PDE11A: variants seen among roughly 807,000 people sequenced by gnomAD.
PDE11A encodes phosphodiesterase 11A, also known as dual 3',5'-cyclic-AMP and -GMP phosphodiesterase 11A.
PDE11A carries 100 observed loss-of-function variants against 100.5 expected under a neutral mutation model. The observed-to-expected ratio is 1.00, with a 90% CI of 0.85 to 1.18. The LOEUF (loss-of-function observed/expected upper bound fraction) is 1.18. Ranked by LOEUF, PDE11A falls within the 50% of genes most tolerant of loss-of-function variation. PDE11A has a pLI of 0.00. For missense variants in PDE11A, 1,141 were observed against 1,152.6 expected (o/e 0.99, Z 0.15); for synonymous variants, 381 against 420.8 (o/e 0.91, Z 1.16).
chr2:177,747,055 C>G (rs1364884580), intron 10 of PDE11A, among the ~76,000 whole-genome samples: 1 of 152,112 alleles, frequency 6.6e-6, no homozygotes, highest in Non-Finnish European at 1.5e-5. Flanking sequence ...AGCAAGCATT[C>G]TGTAATGTCA....
At chr2:177,714,334 T>G (rs2105429633) in intron 12 of PDE11A, among the ~76,000 whole-genome samples, 1 of 152,358 alleles carries the variant, frequency 6.6e-6, no homozygotes, top group Admixed American at 6.5e-5. Flanking sequence ...TTATTAGCAC[T>G]TGGTTATTCA....
chr2:178,054,930 G>C (rs554110263), intron 1 of PDE11A, among the ~76,000 whole-genome samples: 1 of 152,326 alleles, frequency 6.6e-6, no homozygotes, highest in African/African-American at 2.4e-5. Flanking sequence ...CATTGTGGAA[G>C]ACAGTGTGGC....
intron 1 of PDE11A, among the ~76,000 whole-genome samples, chr2:178,040,530 T>C (rs1415152403): frequency 1.1e-4 from 17 of 152,232 alleles, no homozygotes; most frequent in Admixed American, 7.2e-4. Flanking sequence ...CTTTCCGATA[T>C]GTTCAGCACA....
intron 2 of PDE11A, among the ~76,000 whole-genome samples, chr2:177,930,199 A>T (rs2085187042): frequency 6.6e-6 from 1 of 152,198 alleles, no homozygotes; most frequent in African/African-American, 2.4e-5. Context: ...TCTGAAGCTA[A>T]TTTTTCTGAT....
intron 2 of PDE11A, chr2:177,997,863 T>C (rs781020973): frequency 4.3e-6 from 6 of 1,380,980 alleles, no homozygotes; most frequent in Non-Finnish European, 5.2e-6. Context: ...AATTTGTTTC[T>C]AGTTTTTCCA....
intron 1 of PDE11A, among the ~76,000 whole-genome samples, chr2:178,030,799 G>A (rs1298711932): frequency 6.6e-6 from 1 of 152,126 alleles, no homozygotes; most frequent in Non-Finnish European, 1.5e-5. Flanking sequence ...GATCACCTGA[G>A]CCCAGGAGGT....
intron 15 of PDE11A, among the ~76,000 whole-genome samples, chr2:177,688,661 G>A (rs2080994045): frequency 6.6e-6 from 1 of 152,174 alleles, no homozygotes; most frequent in South Asian, 2.1e-4. Context: ...GCAACTTACT[G>A]GAAAATCTCA....
intron 10 of PDE11A, among the ~76,000 whole-genome samples, chr2:177,739,140 G>T (rs912625297): frequency 1.2e-4 from 18 of 152,172 alleles, no homozygotes; most frequent in African/African-American, 4.3e-4. Context: ...CAATGTTAGA[G>T]GGCAAAGGGA....
chr2:178,018,421 G>A, intron 1 of PDE11A: 1 of 407,652 alleles, frequency 2.5e-6, no homozygotes, highest in Non-Finnish European at 4.8e-6. Flanking sequence ...CAACTATCAT[G>A]ATGGGGGCAT....
chr2:177,817,930 G>C lies in PDE11A; in HGVS notation c.1577-5C>G, dbSNP rs201454521. The C allele has an allele frequency of 2.9e-6, 4 of 1,378,238 alleles. No homozygotes were observed. The highest frequency in any genetic ancestry group is 4.1e-6 in the Non-Finnish European group (4 of 967,850). 85.4% of individuals were successfully genotyped at this position (1,378,238 alleles called of 1,614,324 possible). On this transcript the variant is annotated splice_polypyrimidine_tract_variant and splice_region_variant and intron_variant, in intron 7 of 19. Coordinates refer to ENST00000286063, the MANE Select transcript of PDE11A (RefSeq NM_016953.4). ...TGTTTAACACTTGAGCCACTCCTAT[G>C]GGGAAAGAGTGGATTATGTGGTCAT...
At chr2:177,844,181 A>G (rs561389285) in intron 5 of PDE11A, among the ~76,000 whole-genome samples, 4 of 152,328 alleles carry the variant, frequency 2.6e-5, no homozygotes, top group African/African-American at 9.6e-5. Flanking sequence ...ATAAACAACA[A>G]ATATTTATTT....
chr2:177,923,044 C>A (rs927968829), intron 2 of PDE11A, among the ~76,000 whole-genome samples: 16 of 152,210 alleles, frequency 1.1e-4, no homozygotes, highest in Non-Finnish European at 2.4e-4. Context: ...TCTCTGCATT[C>A]TCCTCATTCC....
intron 9 of PDE11A, among the ~76,000 whole-genome samples, chr2:177,786,148 C>T (rs2082533934): frequency 6.6e-6 from 1 of 152,196 alleles, no homozygotes; most frequent in South Asian, 2.1e-4. Context: ...CCAGTAGGGG[C>T]AGACTGACAC....
chr2:177,767,451 C>A (rs1340633510), intron 10 of PDE11A, among the ~76,000 whole-genome samples: 1 of 152,072 alleles, frequency 6.6e-6, no homozygotes, highest in Non-Finnish European at 1.5e-5. Flanking sequence ...TTTCTTCTTG[C>A]CTACCCCACC....
chr2:178,048,925 T>C (rs894191367), intron 1 of PDE11A, among the ~76,000 whole-genome samples: 67 of 152,130 alleles, frequency 4.4e-4, no homozygotes, highest in African/African-American at 1.6e-3. Flanking sequence ...GGAGGAACAG[T>C]GGGAGAGGAA....
intron 2 of PDE11A, among the ~76,000 whole-genome samples, chr2:177,924,881 C>T: frequency 7.2e-6 from 1 of 137,998 alleles, no homozygotes; most frequent in African/African-American, 2.7e-5. Context: ...CCTCCCCCCT[C>T]CCCCTACCCC....
rs1183005733 is a variant in PDE11A, at chr2:178,071,659, A to C, written c.779T>G (p.Val260Gly). 6.2e-7 allele frequency: 1 copy of C among 1,613,388 alleles called. No individual in the cohort carries two copies. Among genetic ancestry groups the C allele is most frequent in the Non-Finnish European group, 8.5e-7 (1 of 1,179,312 alleles). Residue 260 changes from valine (V) to glycine (G), a missense_variant, in exon 1 of 20, where the codon GTG becomes GGG. By Grantham distance (109) the Val-to-Gly change is moderately radical. Transcript: ENST00000286063. Reference protein sequence around the residue: ...KKTLVSKFFDVHAGTPLLPCS... With the variant: ...KKTLVSKFFDGHAGTPLLPCS... ...AGGCAGCAGAGGTGTTCCTGCATGC[A>C]CATCAAAGAATTTGGAGACCAAGGT... is the stretch of plus-strand genomic sequence containing the variant.
intron 1 of PDE11A, among the ~76,000 whole-genome samples, chr2:178,015,434 GT>G (rs1165723709): frequency 2.0e-5 from 3 of 152,010 alleles, no homozygotes; most frequent in African/African-American, 4.8e-5. Flanking sequence ...CAAAAAAAAA[GT>G]TTTTTTAAAT....
In PDE11A at chr2:177,861,700, C is replaced by A. The variant is rs139432160; in HGVS notation, c.1367+14159G>T. Among the ~76,000 whole-genome samples the A allele has an allele frequency of 2.8e-4, 43 of 152,024 alleles. No individual in the cohort carries two copies. In the East Asian group the frequency reaches 6.9e-3, roughly 25 times the overall value. On this transcript the variant is annotated intron_variant, in intron 5 of 19. Transcript: ENST00000286063. ...TACTTCAAAGATACAGTAACCAAGA[C>A]AATGTGATACTGGCATGAAGACATA...
Sources: allele counts gnomAD v4.1 joint callset (sites outside exome capture counted in the v4.1 genomes callset), GRCh38; gene constraint gnomAD v4.1.1; transcripts MANE v1.5; gene names NCBI Gene and HGNC (gene_info 2026-07-23, HGNC 2026-07-21).